The following LRRC56 variants were observed in gnomAD, a reference collection of about 807,000 sequenced individuals.
LRRC56 encodes the protein leucine rich repeat containing 56.
A neutral mutation model predicts 47.8 loss-of-function variants in LRRC56; 41 were observed. The observed-to-expected ratio is 0.86, with a 90% CI of 0.67 to 1.11. LRRC56 has a LOEUF of 1.11. Among genes scored for constraint, LRRC56 ranks in the 50% most tolerant of loss-of-function variants. The probability of loss-of-function intolerance (pLI) is 0.00; values close to 1 mark genes in which losing one functional copy is unlikely to be tolerated. For missense variants in LRRC56, 759 were observed against 704.2 expected (o/e 1.08, Z -0.88); for synonymous variants, 387 against 311.2 (o/e 1.24, Z -2.56).
the LRRC56 span, among the ~76,000 whole-genome samples, chr11:517,187 T>C: frequency 6.6e-6 from 1 of 152,376 alleles, no homozygotes; most frequent in East Asian, 1.9e-4. Flanking sequence ...TGGCGTGATC[T>C]CAGCTCGCCA....
chr11:513,956 G>A, the LRRC56 span, among the ~76,000 whole-genome samples: 4 of 152,056 alleles, frequency 2.6e-5, no homozygotes, highest in African/African-American at 9.7e-5. Flanking sequence ...TCAGGTGATT[G>A]CTGGCACTTT....
Position 541,437 on chromosome 11 carries a change from C to T in LRRC56, c.178-100C>T, listed in dbSNP as rs1447883414. 1.3e-5 allele frequency: 8 copies of T among 633,084 alleles called. No individual in the cohort carries two copies. The highest frequency in any genetic ancestry group is 2.1e-5 in the Non-Finnish European group (8 of 386,622). The allele number at this position is 633,084 out of a possible 1,614,324, so 39.2% of individuals were successfully genotyped here. A position where few individuals can be genotyped will look rare whatever the true frequency, so the allele number is the denominator to read the frequency against. On this transcript the variant is annotated intron_variant, in intron 4 of 13. Transcript: ENST00000270115. The surrounding 1 kb of genome is among the most constrained non-coding windows in gnomAD (Gnocchi z 4.1). Reference sequence around the variant, plus strand: ...GGCCCAGGCAGGGAAACGTCGGTGCCTGCTCCAGCGGGAGCCCCAGAGTCC... The same window carrying T: ...GGCCCAGGCAGGGAAACGTCGGTGCTTGCTCCAGCGGGAGCCCCAGAGTCC...
the LRRC56 span, among the ~76,000 whole-genome samples, chr11:513,303 C>G: frequency 6.6e-6 from 1 of 152,210 alleles, no homozygotes; most frequent in Non-Finnish European, 1.5e-5. Flanking sequence ...CAGGCACACG[C>G]CACCATGCCC....
In LRRC56 at chr11:554,219, A is replaced by C; in HGVS notation, c.1572A>C (p.Ala524=). The change falls in exon 14 of 14, where the codon GCA becomes GCC. Residue 524 remains alanine, a synonymous_variant. Transcript: ENST00000270115. The stretch of plus-strand genomic sequence containing the variant: ...CTGGCCCAAAGCCAGCACCAGATGC[A>C]GCAGCTAGACCTCCCAGGGCAGCTG... ...GCPGPKPAPD[A]AARPPRAAEL... is the part of the protein sequence containing the mutation. 3 of 1,527,030 alleles carry C rather than the reference A, an allele frequency of 2.0e-6. No individual in the cohort carries two copies. The highest frequency in any genetic ancestry group is 2.6e-6 in the Non-Finnish European group (3 of 1,139,526). The allele number at this position is 1,527,030 out of a possible 1,614,324, so 94.6% of individuals were successfully genotyped here.
chr11:523,292 C>CT, the LRRC56 span, among the ~76,000 whole-genome samples: 151,785 of 151,788 alleles, frequency 1, 75,891 homozygotes, highest in Middle Eastern at 1. Context: ...GTCTCAAAGG[C>CT]GGGATTACAG....
chr11:528,377 C>T, the LRRC56 span: 1 of 152,198 alleles, frequency 6.6e-6, no homozygotes, highest in South Asian at 2.1e-4. Flanking sequence ...TCCACCCCCT[C>T]GGCAGCCCAG....
the LRRC56 span, among the ~76,000 whole-genome samples, chr11:517,466 G>T: frequency 2.0e-5 from 3 of 151,866 alleles, no homozygotes; most frequent in Admixed American, 6.5e-5. Flanking sequence ...CACCTGGGAA[G>T]TGAGGGGCAC....
the LRRC56 span, among the ~76,000 whole-genome samples, chr11:515,527 C>T: frequency 6.6e-6 from 1 of 152,132 alleles, no homozygotes. Flanking sequence ...CAGTTGTAGG[C>T]CTTACATTTT....
intron 13 of LRRC56, 106 bp downstream of exon 13, chr11:552,808 C>T: frequency 1.0e-6 from 1 of 974,548 alleles, no homozygotes; most frequent in South Asian, 1.7e-5. Context: ...GGCCCTGCTT[C>T]CTCAGCCATG....
At chr11:532,663 G>A (rs2133982060), upstream of LRRC56, 2 of 1,612,776 alleles carry the variant, frequency 1.2e-6, no homozygotes, top group Non-Finnish European at 1.7e-6. Flanking sequence ...TGCAGCTCAT[G>A]CAGCCGGGGC....
chr11:530,203 CCT>C, the LRRC56 span, among the ~76,000 whole-genome samples: 1 of 152,160 alleles, frequency 6.6e-6, no homozygotes, highest in Admixed American at 6.5e-5. Context: ...CCAGCGGGGC[CCT>C]GATACCAGGC....
chr11:552,260 G>T (rs774695970), intron 12 of LRRC56, 28 bp downstream of exon 12: 1 of 1,596,050 alleles, frequency 6.3e-7, no homozygotes, highest in Admixed American at 1.7e-5. Flanking sequence ...TCTTCCACTG[G>T]GTGTGTCCTG....
upstream of LRRC56, among the ~76,000 whole-genome samples, chr11:535,923 T>C (rs1399877203): frequency 6.6e-6 from 1 of 151,994 alleles, no homozygotes; most frequent in East Asian, 1.9e-4. Context: ...AGGCCCTCCC[T>C]GCGCCGGCAG....
chr11:553,864 T>G, intron 13 of LRRC56, 99 bp from the exon 14 acceptor site: 1 of 1,059,940 alleles, frequency 9.4e-7, no homozygotes, highest in African/African-American at 1.6e-5. Context: ...GACCACTGCC[T>G]CGGGGCTGCA....
At chr11:522,217 T>A in the LRRC56 span, among the ~76,000 whole-genome samples, 1 of 151,960 alleles carries the variant, frequency 6.6e-6, no homozygotes, top group Non-Finnish European at 1.5e-5. Flanking sequence ...TAGCTGAGAC[T>A]ACAGGCACGC....
At chr11:547,676 C>A (rs1340671350) in intron 6 of LRRC56, among the ~76,000 whole-genome samples, 1 of 151,798 alleles carries the variant, frequency 6.6e-6, no homozygotes, top group East Asian at 1.9e-4. Context: ...TTAAGACCAA[C>A]AAATTAGCTC....
chr11:512,336 G>A, the LRRC56 span, among the ~76,000 whole-genome samples: 1 of 152,080 alleles, frequency 6.6e-6, no homozygotes, highest in African/African-American at 2.4e-5. Flanking sequence ...CCCAGTTCAA[G>A]CAGTTCTCCG....
rs1372393560 is a variant in LRRC56 at position 541,220 on chromosome 11, A to C, written c.178-317A>C. ...TCAAGCGGGAGACCAGATGGCTCAA[A>C]GCTCAGGGCAGGGCCCGGCGCGGTC... On this transcript the variant is annotated intron_variant, in intron 4 of 13. Transcript: ENST00000270115. This position sits in a 1 kb window ranked among gnomAD's most constrained non-coding sequence, Gnocchi z 4.1. 6.6e-6 allele frequency among the ~76,000 whole-genome samples: 1 copy of C among 152,146 alleles called. No homozygotes were observed. Among genetic ancestry groups the C allele is most frequent in the East Asian group, 1.9e-4 (1 of 5,176 alleles).
rs1026735304 is a variant in LRRC56 at position 552,243 on chromosome 11, C to T, written c.1181+11C>T. On this transcript the variant is annotated intron_variant, in intron 12 of 13. Coordinates refer to ENST00000270115, the MANE Select transcript of LRRC56 (RefSeq NM_198075.4). ...GGAACATGGCGTGCGGTGGGTGTCC[C>T]TCCAGCTCTTCCACTGGGTGTGTCC... 4 of 1,605,112 alleles carry T rather than the reference C, an allele frequency of 2.5e-6. No individual in the cohort carries two copies. Among genetic ancestry groups the T allele is most frequent in the African/African-American group, 1.3e-5 (1 of 74,908 alleles).
Sources: gnomAD v4.1 joint callset for allele counts (sites outside exome capture counted in the v4.1 genomes callset) on GRCh38, gnomAD v4.1.1 for gene constraint, Gnocchi (gnomAD v3.1) non-coding constraint, MANE v1.5 for transcripts, NCBI Gene and HGNC (gene_info 2026-07-23, HGNC 2026-07-21) for gene names.